The following MTCH2 variants were observed in gnomAD, a reference collection of about 807,000 sequenced individuals.
MTCH2 encodes mitochondrial carrier 2, also known as mitochondrial carrier homolog 2.
A neutral mutation model predicts 50.6 loss-of-function variants in MTCH2; 25 were observed. That is an observed-to-expected ratio of 0.49 (90% confidence interval 0.36 to 0.69). The LOEUF is 0.69. MTCH2 is among the 30% of genes least tolerant of loss of function. The probability of loss-of-function intolerance (pLI) is 0.00; values close to 1 mark genes in which losing one functional copy is unlikely to be tolerated. For synonymous variants in MTCH2, 106 were observed against 132.0 expected, an observed-to-expected ratio of 0.80 and a Z score of 1.35; for missense variants, 273 against 384.4, an observed-to-expected ratio of 0.71 and a Z score of 2.42.
chr11:47,624,447 T>C (rs1188211937), intron 11 of MTCH2, among the ~76,000 whole-genome samples: 1 of 152,146 alleles, frequency 6.6e-6, no homozygotes, highest in Non-Finnish European at 1.5e-5. Flanking sequence ...CAGGTATGGA[T>C]TGTCATTTAA....
rs1215396843 is a variant in MTCH2, at chr11:47,634,699, T to C, written c.342A>G (p.Ser114=). 3.7e-6 allele frequency: 6 copies of C among 1,611,362 alleles called. No homozygotes were observed. Among genetic ancestry groups the C allele is most frequent in the Non-Finnish European group, 5.1e-6 (6 of 1,178,356 alleles). The change falls in exon 5 of 13, where the codon TCA becomes TCG. Residue 114 remains serine (S), a synonymous_variant. Coordinates refer to ENST00000302503, the MANE Select transcript of MTCH2 (RefSeq NM_014342.4). ...CCTTGATAACGTGGTCAAAGGAAGA[T>C]GAGACTTCTTTCTGTACATTTCCAG... ...LGPGNVQKEV[S]SSFDHVIKET...
At chr11:47,636,149 G>A (rs1047004489) in intron 3 of MTCH2, among the ~76,000 whole-genome samples, 2 of 151,090 alleles carry the variant, frequency 1.3e-5, no homozygotes, top group Non-Finnish European at 1.5e-5. Context: ...AAAGAAAAGG[G>A]AAGGCTGGGT....
the MTCH2 span, among the ~76,000 whole-genome samples, chr11:47,612,093 T>G: frequency 6.6e-6 from 1 of 152,144 alleles, no homozygotes; most frequent in African/African-American, 2.4e-5. Flanking sequence ...TAATCCTCAT[T>G]CTTAGCCAAG....
At chr11:47,624,905 T>G (rs541771402) in intron 11 of MTCH2, among the ~76,000 whole-genome samples, 2 of 152,038 alleles carry the variant, frequency 1.3e-5, no homozygotes, top group Non-Finnish European at 2.9e-5. Flanking sequence ...CTGGCCAACA[T>G]AGCAAGACCC....
intron 9 of MTCH2, among the ~76,000 whole-genome samples, 160 bp from the exon 10 acceptor site, chr11:47,627,287 C>T (rs889178720): frequency 2.6e-5 from 4 of 152,074 alleles, no homozygotes; most frequent in African/African-American, 7.2e-5. Context: ...CACATCACCA[C>T]GCCCAGCTAA....
intron 1 of MTCH2, among the ~76,000 whole-genome samples, chr11:47,639,965 C>T (rs991085784): frequency 2.0e-5 from 3 of 152,156 alleles, no homozygotes; most frequent in Non-Finnish European, 4.4e-5. Context: ...TTTAACACTA[C>T]AGATACTTGA....
chr11:47,610,646 A>G, the MTCH2 span, among the ~76,000 whole-genome samples: 3 of 152,210 alleles, frequency 2.0e-5, no homozygotes, highest in Admixed American at 6.5e-5. Context: ...CAGAGGTTGC[A>G]GTGAGCCGAG....
At chr11:47,606,826 G>T in the MTCH2 span, among the ~76,000 whole-genome samples, 1 of 152,160 alleles carries the variant, frequency 6.6e-6, no homozygotes, top group African/African-American at 2.4e-5. Flanking sequence ...TTTTCTTCCA[G>T]CTGAGAGGAA....
Position 47,641,449 on chromosome 11 carries a change from A to G in MTCH2, c.87+930T>C, listed in dbSNP as rs146317025. 4.1e-3 allele frequency among the ~76,000 whole-genome samples: 622 copies of G among 152,312 alleles called. 2 individuals carry two copies. Among genetic ancestry groups the G allele is most frequent in the Admixed American group, 6.6e-3 (101 of 15,284 alleles). The stretch of plus-strand genomic sequence containing the variant: ...GTGTCTTGCCTATTTTTTACAGAAA[A>G]GTAGACGGCGAGACAGGGGTTCTAA... On this transcript the variant is annotated intron_variant, in intron 1 of 12. Transcript: ENST00000302503.
intron 5 of MTCH2, among the ~76,000 whole-genome samples, chr11:47,633,526 A>ATATATATATAT (rs1378774715): frequency 2.9e-5 from 1 of 35,078 alleles, no homozygotes; most frequent in Admixed American, 4.5e-4. Context: ...ATATATATAT[A>ATATATATATAT]TTTTTTTTTT....
At chr11:47,623,775 G>T (rs1224438744) in intron 11 of MTCH2, among the ~76,000 whole-genome samples, 1 of 152,192 alleles carries the variant, frequency 6.6e-6, no homozygotes, top group African/African-American at 2.4e-5. Context: ...GGCAAGGCTG[G>T]GTGCAGTGGC....
chr11:47,605,272 A>T, the MTCH2 span, among the ~76,000 whole-genome samples: 4 of 152,272 alleles, frequency 2.6e-5, no homozygotes, highest in Admixed American at 6.5e-5. Flanking sequence ...AACTAAAATA[A>T]CAAGAGGTGG....
At chr11:47,634,470 T>C (rs993100083) in intron 5 of MTCH2, among the ~76,000 whole-genome samples, 1 of 152,224 alleles carries the variant, frequency 6.6e-6, no homozygotes, top group African/African-American at 2.4e-5. Flanking sequence ...ATGAGTTTTC[T>C]TGAAATGCAT....
intron 4 of MTCH2, among the ~76,000 whole-genome samples, 179 bp downstream of exon 4, chr11:47,635,366 T>C (rs1313534142): frequency 6.6e-6 from 1 of 152,154 alleles, no homozygotes; most frequent in African/African-American, 2.4e-5. Context: ...TGAGCCACCA[T>C]GCCCAGCCAT....
chr11:47,620,666 A>G (rs76928432), intron 12 of MTCH2, among the ~76,000 whole-genome samples: 4,162 of 152,228 alleles, frequency 0.027, 190 homozygotes, highest in African/African-American at 0.095. Context: ...AAAGAACCAA[A>G]TAAGTAAATA....
chr11:47,608,231 G>A, the MTCH2 span, among the ~76,000 whole-genome samples: 1 of 152,182 alleles, frequency 6.6e-6, no homozygotes, highest in South Asian at 2.1e-4. Flanking sequence ...CTAGGTGGTA[G>A]GAACATTTAT....
At position 47,617,867 on chromosome 11, in the gene MTCH2, T is replaced by C. The variant is rs1420233133; in HGVS notation, c.*966A>G. 6.6e-6 allele frequency: 1 copy of C among 152,128 alleles called. No individual in the cohort carries two copies. Among genetic ancestry groups the C allele is most frequent in the East Asian group, 1.9e-4 (1 of 5,202 alleles). 9.4% of individuals were successfully genotyped at this position (152,128 alleles called of 1,614,324 possible). On this transcript the variant is annotated 3_prime_UTR_variant, in exon 13 of 13. Transcript: ENST00000302503. ...CCAGACATGGAGTTACAAATATACT[T>C]TCCAAGGCTGTCATCAGAAATGCAA...
At chr11:47,614,196 T>C (rs796245161), downstream of MTCH2, among the ~76,000 whole-genome samples, 33 of 152,126 alleles carry the variant, frequency 2.2e-4, no homozygotes, top group African/African-American at 7.7e-4. Context: ...CCTGGAAGAA[T>C]TATTAAGGAA....
chr11:47,621,425 GTTGTTA>G, intron 12 of MTCH2, among the ~76,000 whole-genome samples: 1 of 120,086 alleles, frequency 8.3e-6, no homozygotes, highest in Non-Finnish European at 1.7e-5. Flanking sequence ...TCCATTTGTT[GTTGTTA>G]TTGTCTTTTT....
Sources: gnomAD v4.1 joint callset for allele counts (sites outside exome capture counted in the v4.1 genomes callset) on GRCh38, gnomAD v4.1.1 for gene constraint, MANE v1.5 for transcripts, NCBI Gene and HGNC (gene_info 2026-07-23, HGNC 2026-07-21) for gene names.